The following MMRN1 variants were observed in gnomAD, a reference collection of about 807,000 sequenced individuals.
MMRN1 encodes multimerin 1.
In MMRN1, 94 loss-of-function variants were observed where a neutral mutation model predicts 100.7. The ratio of observed to expected loss-of-function variants is 0.93; its 90% CI spans 0.79 to 1.11. MMRN1 has a LOEUF of 1.11. Among genes scored for constraint, MMRN1 ranks in the 50% least tolerant of loss-of-function variants. The pLI, the probability that MMRN1 is intolerant of heterozygous loss-of-function variation, is 0.00. For synonymous variants in MMRN1, 575 were observed against 505.0 expected (o/e 1.14, Z -1.86); for missense variants, 1,606 against 1,439.1 (o/e 1.12, Z -1.88).
chr4:89,886,936 T>C (rs535248453), intron 1 of MMRN1, among the ~76,000 whole-genome samples: 265 of 152,222 alleles, frequency 1.7e-3, no homozygotes, highest in Non-Finnish European at 3.3e-3. Flanking sequence ...ATTGTGCTAC[T>C]GAACCTTATA....
intron 6 of MMRN1, among the ~76,000 whole-genome samples, chr4:89,942,729 T>C (rs1213997886): frequency 6.6e-6 from 1 of 152,086 alleles, no homozygotes; most frequent in East Asian, 1.9e-4. Context: ...CTCAAGTGTC[T>C]TTACCCTAAA....
chr4:89,929,143 G>A (rs1414728005), intron 5 of MMRN1, among the ~76,000 whole-genome samples: 4 of 152,150 alleles, frequency 2.6e-5, no homozygotes, highest in African/African-American at 7.2e-5. Flanking sequence ...TCCTGGGAGC[G>A]TCCCAGTCGG....
rs1317699675 is a variant in MMRN1 at position 89,953,226 on chromosome 4, T to C, written c.3495T>C (p.Asp1165=). 6.2e-7 allele frequency: 1 copy of C among 1,613,894 alleles called. No homozygotes were observed. Reference sequence around the variant, plus strand: ...ATATTTCTGGATTTTTAGTGGTTGATGGAATAGACAAGCTTGCATTTGAGT... The same window carrying C: ...ATATTTCTGGATTTTTAGTGGTTGACGGAATAGACAAGCTTGCATTTGAGT... ...SAHISGFLVV[D]GIDKLAFESE... Residue 1165 remains aspartate, a synonymous_variant, in exon 8 of 8, where the codon GAT becomes GAC. Coordinates refer to ENST00000264790, the MANE Select transcript of MMRN1 (RefSeq NM_007351.3).
At chr4:89,889,800 C>T (rs1359635647) in intron 1 of MMRN1, among the ~76,000 whole-genome samples, 1 of 152,016 alleles carries the variant, frequency 6.6e-6, no homozygotes, top group African/African-American at 2.4e-5. Flanking sequence ...ATGATTAAAA[C>T]ACTACTTTAC....
At chr4:89,900,480 G>T (rs1161504627) in intron 1 of MMRN1, among the ~76,000 whole-genome samples, 1 of 152,012 alleles carries the variant, frequency 6.6e-6, no homozygotes, top group Non-Finnish European at 1.5e-5. Flanking sequence ...ACCACCCAAT[G>T]TAAAGTTAAC....
At chr4:89,929,377 A>G (rs1277510770) in intron 5 of MMRN1, among the ~76,000 whole-genome samples, 1 of 152,188 alleles carries the variant, frequency 6.6e-6, no homozygotes, top group Non-Finnish European at 1.5e-5. Flanking sequence ...AATCATATAA[A>G]TAATTGCTGC....
rs751944260 is a variant in MMRN1 at position 89,935,449 on chromosome 4, G to A, written c.1769G>A (p.Gly590Asp). 1 of 1,613,526 alleles carries A rather than the reference G, an allele frequency of 6.2e-7. No homozygotes were observed. Among genetic ancestry groups the A allele is most frequent in the South Asian group, 1.1e-5 (1 of 91,062 alleles). ...SLEMEKESLR[G>D]ECEDMLSKCR... ...GAGATGGAGAAAGAGTCTCTCAGAG[G>A]TGAATGTGAAGACATGTTATCCAAA... The change falls in exon 6 of 8, where the codon GGT (glycine) becomes GAT (aspartate). Residue 590 changes from glycine (G) to aspartate (D), a missense_variant. Gly to Asp is a moderately conservative substitution (Grantham distance 94, BLOSUM62 -1). Coordinates refer to ENST00000264790, the MANE Select transcript of MMRN1 (RefSeq NM_007351.3).
rs1234148803 is a variant in MMRN1, at chr4:89,909,300, C to T, written c.648C>T (p.Thr216=). Residue 216 remains threonine, a synonymous_variant, in exon 2 of 8, where the codon ACC becomes ACT. Transcript: ENST00000264790. The part of the protein sequence containing the change: ...RGKNWCAYVH[T]RLSPTVILDN... Reference sequence around the variant, plus strand: ...GGAATTGGTGTGCTTATGTACATACCAGGTTATCTCCCACAGTGATATTGG... The same window carrying T: ...GGAATTGGTGTGCTTATGTACATACTAGGTTATCTCCCACAGTGATATTGG... The T allele has an allele frequency of 4.3e-6, 7 of 1,609,256 alleles. No individual in the cohort carries two copies. Among genetic ancestry groups the T allele is most frequent in the Non-Finnish European group, 5.9e-6 (7 of 1,177,010 alleles).
intron 5 of MMRN1, among the ~76,000 whole-genome samples, chr4:89,931,466 T>A (rs1722431917): frequency 6.6e-6 from 1 of 152,214 alleles, no homozygotes; most frequent in African/African-American, 2.4e-5. Context: ...CAGACTTTCC[T>A]GTCTAAAATG....
At chr4:89,895,824 T>C (rs983224386) in intron 1 of MMRN1, among the ~76,000 whole-genome samples, 1 of 152,188 alleles carries the variant, frequency 6.6e-6, no homozygotes, top group African/African-American at 2.4e-5. Flanking sequence ...CATTCACTTT[T>C]CTACTCACTT....
intron 1 of MMRN1, 115 bp from the exon 2 acceptor site, chr4:89,909,160 CA>C: frequency 9.6e-7 from 1 of 1,040,718 alleles, no homozygotes; most frequent in Non-Finnish European, 1.4e-6. Flanking sequence ...AGCAATCTTA[CA>C]AGGTTTCTGA....
At chr4:89,891,231 T>C (rs1281877670), upstream of MMRN1, among the ~76,000 whole-genome samples, 1 of 152,064 alleles carries the variant, frequency 6.6e-6, no homozygotes, top group Non-Finnish European at 1.5e-5. Flanking sequence ...CTTTTGAAGG[T>C]GTGTTCCCGG....
In MMRN1 at chr4:89,904,648, G is replaced by T. The variant is rs10009475; in HGVS notation, c.624-4628G>T. On this transcript the variant is annotated intron_variant, in intron 1 of 7. Coordinates refer to ENST00000264790, the MANE Select transcript of MMRN1 (RefSeq NM_007351.3). Reference sequence around the variant, plus strand: ...TGAGTGTGCGTGTGTGTCTGTGTGTGTTTGTGTGTGTGATTTTCTTTTTCC... The same window carrying T: ...TGAGTGTGCGTGTGTGTCTGTGTGTTTTTGTGTGTGTGATTTTCTTTTTCC... Among the ~76,000 whole-genome samples the T allele has an allele frequency of 7.3e-3, 1,106 of 151,830 alleles. 19 individuals carry two copies. Among genetic ancestry groups the T allele is most frequent in the African/African-American group, 0.025 (1,057 of 41,478 alleles).
intron 1 of MMRN1, among the ~76,000 whole-genome samples, chr4:89,887,538 T>C (rs1465026213): frequency 6.6e-6 from 1 of 152,036 alleles, no homozygotes; most frequent in Non-Finnish European, 1.5e-5. Context: ...GAAACACTAC[T>C]AGGTACATTT....
At chr4:89,882,613 T>C (rs1222049780) in intron 1 of MMRN1, among the ~76,000 whole-genome samples, 2 of 151,362 alleles carry the variant, frequency 1.3e-5, no homozygotes, top group African/African-American at 4.9e-5. Context: ...TTGTAGATAA[T>C]CGCTGCTGTC....
intron 1 of MMRN1, among the ~76,000 whole-genome samples, chr4:89,888,459 A>G (rs1444654951): frequency 1.3e-5 from 2 of 150,118 alleles, no homozygotes; most frequent in Non-Finnish European, 3.0e-5. Flanking sequence ...TTTTTTCCTG[A>G]TAACTCATCA....
At chr4:89,891,901 T>C (rs1450758914), upstream of MMRN1, among the ~76,000 whole-genome samples, 1 of 151,952 alleles carries the variant, frequency 6.6e-6, no homozygotes, top group Non-Finnish European at 1.5e-5. Flanking sequence ...CCCCAACATT[T>C]TACAAAGAAT....
chr4:89,920,967 C>A (rs909294355), intron 3 of MMRN1, among the ~76,000 whole-genome samples: 30 of 151,948 alleles, frequency 2.0e-4, no homozygotes, highest in African/African-American at 7.0e-4. Context: ...GGAAAAAAAT[C>A]AGTATTCTAA....
chr4:89,879,585 C>T (rs76120557), exon 1 of MMRN1: 3 of 152,184 alleles, frequency 2.0e-5, no homozygotes, highest in East Asian at 1.9e-4. Context: ...GTTATAACCA[C>T]GGGCAAAGAA....
Sources: gnomAD v4.1 joint callset for allele counts (sites outside exome capture counted in the v4.1 genomes callset) on GRCh38, gnomAD v4.1.1 for gene constraint, MANE v1.5 for transcripts, NCBI Gene and HGNC (gene_info 2026-07-23, HGNC 2026-07-21) for gene names.